Variants in CTNND2 observed in about 807,000 individuals in gnomAD.
The protein encoded by CTNND2 is catenin delta-2.
In CTNND2, 22 loss-of-function variants were observed where a neutral mutation model predicts 144.4. The ratio of observed to expected loss-of-function variants is 0.15; its 90% CI spans 0.11 to 0.22. The LOEUF is 0.22. Ranked by LOEUF, CTNND2 falls within the 10% of genes least tolerant of loss-of-function variation. CTNND2 has a pLI of 1.00. For synonymous variants in CTNND2, 751 were observed against 695.6 expected (o/e 1.08, Z -1.25); for missense variants, 1,353 against 1,618.8 (o/e 0.84, Z 2.82).
intron 1 of CTNND2, among the ~76,000 whole-genome samples, chr5:11,827,067 T>C (rs781348918): frequency 1.3e-5 from 2 of 152,098 alleles, no homozygotes; most frequent in Non-Finnish European, 2.9e-5. Flanking sequence ...ATAGATCATA[T>C]TCAGTAAAAT....
chr5:11,702,328 T>C (rs977094608), intron 2 of CTNND2, among the ~76,000 whole-genome samples: 1 of 152,202 alleles, frequency 6.6e-6, no homozygotes, highest in Non-Finnish European at 1.5e-5. Flanking sequence ...TATTTTTCTG[T>C]TGTGATGAAC....
chr5:11,435,570 G>A (rs1367819101), intron 3 of CTNND2, among the ~76,000 whole-genome samples: 1 of 152,192 alleles, frequency 6.6e-6, no homozygotes, highest in Non-Finnish European at 1.5e-5. Flanking sequence ...GCAAATAGAT[G>A]CTGCTGTGTT....
At chr5:11,503,219 C>G (rs1186436909) in intron 3 of CTNND2, among the ~76,000 whole-genome samples, 3 of 152,222 alleles carry the variant, frequency 2.0e-5, no homozygotes, top group Non-Finnish European at 2.9e-5. Context: ...AGGGGAGACA[C>G]AGCTTATTAA....
intron 9 of CTNND2, among the ~76,000 whole-genome samples, chr5:11,299,072 G>A (rs1749304723): frequency 6.6e-6 from 1 of 152,062 alleles, no homozygotes; most frequent in South Asian, 2.1e-4. Context: ...AAGCTATTTG[G>A]AGAACTATTT....
At chr5:11,743,052 A>G (rs1561753673) in intron 1 of CTNND2, among the ~76,000 whole-genome samples, 1 of 152,226 alleles carries the variant, frequency 6.6e-6, no homozygotes, top group African/African-American at 2.4e-5. Context: ...GAGAAATCTA[A>G]AGTTATCGCT....
intron 12 of CTNND2, among the ~76,000 whole-genome samples, chr5:11,145,989 G>T (rs796586201): frequency 2.8e-4 from 43 of 152,200 alleles, no homozygotes; most frequent in African/African-American, 1.0e-3. Flanking sequence ...TTCTTCCCCC[G>T]GACAGACTCT....
intron 3 of CTNND2, among the ~76,000 whole-genome samples, chr5:11,468,753 T>C (rs1285620060): frequency 6.6e-6 from 1 of 152,218 alleles, no homozygotes; most frequent in Non-Finnish European, 1.5e-5. Context: ...GGGTTGCTAA[T>C]CACTCTGTTG....
At position 11,805,974 on chromosome 5, in the gene CTNND2, C is replaced by G. The variant is rs181658659; in HGVS notation, c.38-73702G>C. ...TCAACAGTGTATACACTAACCCTAT[C>G]AGACAGATTCCAGGAGAGGGACATC... On this transcript the variant is annotated intron_variant, in intron 1 of 21. Transcript: ENST00000304623. Among the ~76,000 whole-genome samples, 393 of 152,214 alleles carry G rather than the reference C, an allele frequency of 2.6e-3. 2 individuals are homozygous for G. The Middle Eastern group carries it at 0.034, about 13-fold the overall frequency.
At position 11,074,900 on chromosome 5, in the gene CTNND2, C is replaced by G. The variant is rs545481025; in HGVS notation, c.2788+7796G>C. On this transcript the variant is annotated intron_variant, in intron 16 of 21. Transcript: ENST00000304623. ...AAATCTATTATTTGAATATTTAAAA[C>G]ATTGTGGTAAGTAAAGGAAGCTTGA... is the stretch of plus-strand genomic sequence containing the variant. 2.0e-5 allele frequency among the ~76,000 whole-genome samples: 3 copies of G among 152,250 alleles called. No individual in the cohort carries two copies. In the East Asian group the frequency reaches 5.8e-4, roughly 29 times the overall value.
chr5:11,476,040 T>C (rs1453550446), intron 3 of CTNND2, among the ~76,000 whole-genome samples: 50 of 149,998 alleles, frequency 3.3e-4, no homozygotes, highest in Middle Eastern at 3.4e-3. Context: ...TTCTATTTTT[T>C]TTTTTTTTTT....
chr5:11,824,273 A>G (rs916778819), intron 1 of CTNND2, among the ~76,000 whole-genome samples: 1 of 152,186 alleles, frequency 6.6e-6, no homozygotes, highest in African/African-American at 2.4e-5. Context: ...ATAAACATCC[A>G]TAGTATTACG....
intron 2 of CTNND2, among the ~76,000 whole-genome samples, chr5:11,710,286 T>G (rs777805581): frequency 1.6e-4 from 24 of 152,168 alleles, no homozygotes; most frequent in Non-Finnish European, 3.4e-4. Flanking sequence ...CTCACATCTA[T>G]AATCCCAGCA....
intron 12 of CTNND2, among the ~76,000 whole-genome samples, chr5:11,137,586 G>T (rs952659875): frequency 6.6e-6 from 1 of 152,186 alleles, no homozygotes; most frequent in Non-Finnish European, 1.5e-5. Context: ...AAGACAACTA[G>T]CAGCAGGTCT....
intron 3 of CTNND2, among the ~76,000 whole-genome samples, chr5:11,561,350 G>C (rs866723986): frequency 1.3e-5 from 2 of 152,198 alleles, no homozygotes; most frequent in African/African-American, 4.8e-5. Flanking sequence ...CTGAAAATAG[G>C]TTCTGGGTGA....
chr5:11,317,352 A>G (rs1244664488), intron 9 of CTNND2, among the ~76,000 whole-genome samples: 1 of 152,176 alleles, frequency 6.6e-6, no homozygotes, highest in Non-Finnish European at 1.5e-5. Context: ...TTTGGTGGCT[A>G]TGGCAGCATA....
intron 13 of CTNND2, among the ~76,000 whole-genome samples, chr5:11,114,071 A>G (rs1753296472): frequency 6.6e-6 from 1 of 152,080 alleles, no homozygotes; most frequent in Non-Finnish European, 1.5e-5. Flanking sequence ...CTGGCACGAA[A>G]GCAGGTAAAC....
intron 2 of CTNND2, among the ~76,000 whole-genome samples, chr5:11,671,484 C>CT (rs1424621922): frequency 6.6e-6 from 1 of 151,930 alleles, no homozygotes; most frequent in Admixed American, 6.6e-5. Flanking sequence ...TCCTTTCACT[C>CT]TTTTTTCTCT....
At chr5:11,085,900 A>G (rs559692170) in intron 15 of CTNND2, among the ~76,000 whole-genome samples, 22 of 152,198 alleles carry the variant, frequency 1.4e-4, no homozygotes, top group African/African-American at 5.1e-4. Flanking sequence ...CTCTTCTAGG[A>G]TGACTGCAGT....
chr5:11,132,253 G>A (rs190519719), intron 12 of CTNND2, among the ~76,000 whole-genome samples: 9 of 152,288 alleles, frequency 5.9e-5, no homozygotes, highest in African/African-American at 1.4e-4. Flanking sequence ...GGCAGAAGCC[G>A]CTGTTATTCT....
Sources: allele counts gnomAD v4.1 joint callset (sites outside exome capture counted in the v4.1 genomes callset), GRCh38; gene constraint gnomAD v4.1.1; transcripts MANE v1.5; gene names NCBI Gene and HGNC (gene_info 2026-07-23, HGNC 2026-07-21).